The following ACBD6 variants were observed in gnomAD, a reference collection of about 807,000 sequenced individuals.
The protein encoded by ACBD6 is acyl-CoA-binding domain-containing protein 6.
Under a neutral mutation model 37.2 loss-of-function variants are expected in ACBD6, and 28 were observed. That is an observed-to-expected ratio of 0.75 (90% CI 0.56 to 1.03). The LOEUF (loss-of-function observed/expected upper bound fraction) is 1.03, where lower values mean the gene tolerates loss of function less well. Among genes scored for constraint, ACBD6 ranks in the 50% least tolerant of loss-of-function variants. The probability of loss-of-function intolerance (pLI) is 0.00; values close to 1 mark genes in which losing one functional copy is unlikely to be tolerated. For synonymous variants in ACBD6, 113 were observed against 126.8 expected, an observed-to-expected ratio of 0.89 and a Z score of 0.73; for missense variants, 340 against 337.4, an observed-to-expected ratio of 1.01 and a Z score of -0.06.
rs185011762 is a variant in ACBD6 at position 180,436,813 on chromosome 1, A to G, written c.385-6551T>C. ...AATATTGAAACCTCAAAAAACAAAA[A>G]CAAAAACAAAACTACCTCAAAATAA... On this transcript the variant is annotated intron_variant, in intron 3 of 7. Transcript: ENST00000367595. Among the ~76,000 whole-genome samples the G allele has an allele frequency of 2.7e-3, 413 of 152,340 alleles. 2 individuals are homozygous for G. Among genetic ancestry groups the G allele is most frequent in the Admixed American group, 9.2e-3 (141 of 15,308 alleles).
intron 6 of ACBD6, among the ~76,000 whole-genome samples, chr1:180,374,398 ATAG>A (rs1340509351): frequency 6.6e-6 from 1 of 152,214 alleles, no homozygotes; most frequent in African/African-American, 2.4e-5. Context: ...TACCTGAAAC[ATAG>A]TAGTAATCTA....
chr1:180,442,860 C>T (rs1649333954), intron 3 of ACBD6, among the ~76,000 whole-genome samples: 2 of 152,154 alleles, frequency 1.3e-5, no homozygotes, highest in Non-Finnish European at 2.9e-5. Flanking sequence ...ACTTTTTCCT[C>T]TACTTTCTTG....
At chr1:180,292,236 C>T (rs896439302) in intron 7 of ACBD6, among the ~76,000 whole-genome samples, 5 of 152,098 alleles carry the variant, frequency 3.3e-5, no homozygotes, top group Non-Finnish European at 7.4e-5. Flanking sequence ...ATTGGGACCC[C>T]GCTGAATCTA....
chr1:180,496,208 A>G (rs1227301657), intron 1 of ACBD6, among the ~76,000 whole-genome samples: 2 of 152,226 alleles, frequency 1.3e-5, no homozygotes, highest in Non-Finnish European at 2.9e-5. Context: ...AAGAATAAGC[A>G]TAAATGAAAT....
intron 3 of ACBD6, among the ~76,000 whole-genome samples, chr1:180,457,636 G>A (rs1354844437): frequency 1.3e-5 from 2 of 152,098 alleles, no homozygotes; most frequent in Non-Finnish European, 2.9e-5. Flanking sequence ...AGAGCAAGAG[G>A]CTAACATGAA....
At chr1:180,342,428 G>C (rs1253136394) in intron 6 of ACBD6, among the ~76,000 whole-genome samples, 2 of 151,960 alleles carry the variant, frequency 1.3e-5, no homozygotes, top group Non-Finnish European at 2.9e-5. Context: ...TAGTGTTTAG[G>C]GACCCAAATG....
rs185310509 is a variant in ACBD6 at position 180,387,198 on chromosome 1, C to T, written c.663+10318G>A. Among the ~76,000 whole-genome samples, 278 of 152,242 alleles carry T rather than the reference C, an allele frequency of 1.8e-3. 1 individual carries two copies. Among genetic ancestry groups the T allele is most frequent in the Non-Finnish European group, 3.5e-3 (239 of 68,010 alleles). ...CACTATTCCACACTGTAGTTCAGTTCTCAACCCTTCTGTCATGTTAATTTT... is the reference window on the plus strand; with the variant it reads ...CACTATTCCACACTGTAGTTCAGTTTTCAACCCTTCTGTCATGTTAATTTT... On this transcript the variant is annotated intron_variant, in intron 6 of 7. Coordinates refer to ENST00000367595, the MANE Select transcript of ACBD6 (RefSeq NM_032360.4).
At chr1:180,434,788 T>A in intron 3 of ACBD6, 1 of 679,676 alleles carries the variant, frequency 1.5e-6, no homozygotes, top group South Asian at 1.5e-5. Flanking sequence ...TGCCAATGCC[T>A]CTAAGCCGAA....
At chr1:180,464,927 G>A (rs1650288966) in intron 3 of ACBD6, among the ~76,000 whole-genome samples, 1 of 152,010 alleles carries the variant, frequency 6.6e-6, no homozygotes, top group African/African-American at 2.4e-5. Context: ...CAAAAGCAAT[G>A]AGGAAAAGAC....
At chr1:180,448,546 T>A (rs1649566687) in intron 3 of ACBD6, among the ~76,000 whole-genome samples, 1 of 152,294 alleles carries the variant, frequency 6.6e-6, no homozygotes, top group Admixed American at 6.5e-5. Context: ...TGATTTTGAT[T>A]AAATTCCTAG....
intron 3 of ACBD6, among the ~76,000 whole-genome samples, chr1:180,443,876 G>A (rs930126855): frequency 5.3e-5 from 8 of 151,514 alleles, no homozygotes; most frequent in Non-Finnish European, 1.0e-4. Context: ...GCCTGCCTTG[G>A]CCTCCCAAAG....
chr1:180,431,827 A>G (rs967026675), intron 3 of ACBD6, among the ~76,000 whole-genome samples: 1 of 152,188 alleles, frequency 6.6e-6, no homozygotes, highest in Non-Finnish European at 1.5e-5. Flanking sequence ...TTCTTAAAAA[A>G]GAATGACTCC....
intron 4 of ACBD6, among the ~76,000 whole-genome samples, chr1:180,413,915 A>C (rs891714194): frequency 6.6e-6 from 1 of 152,204 alleles, no homozygotes; most frequent in Non-Finnish European, 1.5e-5. Flanking sequence ...TCACTTTACA[A>C]ATGAAAAAAC....
At chr1:180,356,641 G>C (rs1455519081) in intron 6 of ACBD6, among the ~76,000 whole-genome samples, 3 of 151,894 alleles carry the variant, frequency 2.0e-5, no homozygotes, top group African/African-American at 7.3e-5. Flanking sequence ...GAGTTCGTAA[G>C]TTCAAGACCA....
At position 180,502,406 on chromosome 1, in the gene ACBD6, C is replaced by G; in HGVS notation, c.-140G>C. 1 of 887,068 alleles carries G rather than the reference C, an allele frequency of 1.1e-6. No homozygotes were observed. The highest frequency in any genetic ancestry group is 1.8e-6 in the Non-Finnish European group (1 of 549,758). The allele number at this position is 887,068 out of a possible 1,614,324, so 54.9% of individuals were successfully genotyped here. A position where few individuals can be genotyped will look rare whatever the true frequency, so the allele number is the denominator to read the frequency against. The stretch of plus-strand genomic sequence containing the variant: ...ACCCAAGCTCAGTCGCGGCGCGCTC[C>G]CTCACGTGACCCTGCTCCCTGCCCA... On this transcript the variant is annotated 5_prime_UTR_variant, in exon 1 of 8. Coordinates refer to ENST00000367595, the MANE Select transcript of ACBD6 (RefSeq NM_032360.4).
At chr1:180,375,667 G>A (rs956801948) in intron 6 of ACBD6, among the ~76,000 whole-genome samples, 2 of 152,134 alleles carry the variant, frequency 1.3e-5, no homozygotes, top group African/African-American at 2.4e-5. Flanking sequence ...CAACAGGTAA[G>A]CCACTTGGAA....
At chr1:180,411,228 T>G (rs750122581) in intron 5 of ACBD6, among the ~76,000 whole-genome samples, 12 of 152,224 alleles carry the variant, frequency 7.9e-5, no homozygotes, top group Non-Finnish European at 1.6e-4. Context: ...GCGAAGATGT[T>G]GTGAACATTG....
At chr1:180,393,618 T>C (rs1654155199) in intron 6 of ACBD6, among the ~76,000 whole-genome samples, 1 of 152,214 alleles carries the variant, frequency 6.6e-6, no homozygotes, top group Non-Finnish European at 1.5e-5. Context: ...ATTGTCTATA[T>C]TTGAAAAGCG....
At chr1:180,347,773 C>A (rs1474768161) in intron 6 of ACBD6, among the ~76,000 whole-genome samples, 1 of 152,020 alleles carries the variant, frequency 6.6e-6, no homozygotes, top group Non-Finnish European at 1.5e-5. Context: ...AGATCAAGAC[C>A]ATCCTGGCTA....
Sources: gnomAD v4.1 joint callset for allele counts (sites outside exome capture counted in the v4.1 genomes callset) on GRCh38, gnomAD v4.1.1 for gene constraint, MANE v1.5 for transcripts, NCBI Gene and HGNC (gene_info 2026-07-23, HGNC 2026-07-21) for gene names.